The following ANO10 variants were observed in gnomAD, a reference collection of about 807,000 sequenced individuals.
ANO10 encodes anoctamin 10.
A neutral mutation model predicts 74.7 loss-of-function variants in ANO10; 77 were observed. That is an observed-to-expected ratio of 1.03 (90% CI 0.86 to 1.25). The LOEUF is 1.25. Ranked by LOEUF, ANO10 falls within the 50% of genes most tolerant of loss-of-function variation. ANO10 has a pLI of 0.00. For synonymous variants in ANO10, 279 were observed against 284.9 expected (o/e 0.98, Z 0.21); for missense variants, 721 against 778.1 (o/e 0.93, Z 0.87).
intron 11 of ANO10, among the ~76,000 whole-genome samples, chr3:43,442,653 C>T (rs1026908311): frequency 6.6e-6 from 1 of 152,152 alleles, no homozygotes; most frequent in African/African-American, 2.4e-5. Context: ...CAGTTTCTAA[C>T]ACAAAAGATT....
intron 11 of ANO10, among the ~76,000 whole-genome samples, chr3:43,522,225 G>A (rs771663266): frequency 2.6e-5 from 4 of 152,016 alleles, no homozygotes; most frequent in Non-Finnish European, 4.4e-5. Context: ...TGATAGTGGT[G>A]ATGACTGCAC....
intron 4 of ANO10, among the ~76,000 whole-genome samples, chr3:43,580,822 C>A: frequency 6.6e-6 from 1 of 151,854 alleles, no homozygotes; most frequent in East Asian, 1.9e-4. Context: ...ATTTTAAGAA[C>A]AAAAATAAAA....
chr3:43,671,196 C>CA (rs932340860), intron 1 of ANO10, among the ~76,000 whole-genome samples: 12 of 152,014 alleles, frequency 7.9e-5, no homozygotes, highest in African/African-American at 2.9e-4. Flanking sequence ...ACTTGGTCAA[C>CA]AAAAAAAGTT....
chr3:43,465,171 G>C (rs965248798), intron 11 of ANO10, among the ~76,000 whole-genome samples: 2 of 152,068 alleles, frequency 1.3e-5, no homozygotes, highest in East Asian at 3.9e-4. Context: ...CAGGATAAAA[G>C]GTCAACATAA....
At chr3:43,614,687 A>G (rs1304337307) in intron 1 of ANO10, among the ~76,000 whole-genome samples, 1 of 150,382 alleles carries the variant, frequency 6.6e-6, no homozygotes, top group Non-Finnish European at 1.5e-5. Context: ...AGGCAGCAAG[A>G]AAAATAATAT....
chr3:43,549,597 G>C, intron 11 of ANO10, 123 bp downstream of exon 11: 1 of 1,086,332 alleles, frequency 9.2e-7, no homozygotes, highest in Non-Finnish European at 1.4e-6. Flanking sequence ...AACTGTTTTT[G>C]CTTTCTTACC....
At chr3:43,453,179 C>CTTT (rs36070589) in intron 11 of ANO10, among the ~76,000 whole-genome samples, 2 of 130,494 alleles carry the variant, frequency 1.5e-5, no homozygotes, top group African/African-American at 5.3e-5. Context: ...TCTTTTCCCC[C>CTTT]TTTTTTTTTT....
At chr3:43,586,334 C>G (rs1268352399) in intron 4 of ANO10, among the ~76,000 whole-genome samples, 2 of 152,010 alleles carry the variant, frequency 1.3e-5, no homozygotes, top group Admixed American at 1.3e-4. Context: ...GCCTAAATGC[C>G]AAACACAAAA....
chr3:43,566,578 T>G (rs1376809452), intron 7 of ANO10, among the ~76,000 whole-genome samples: 1 of 152,184 alleles, frequency 6.6e-6, no homozygotes, highest in South Asian at 2.1e-4. Context: ...AGGGGTACAC[T>G]GACACCTCAC....
intron 11 of ANO10, among the ~76,000 whole-genome samples, chr3:43,475,168 G>C (rs189988816): frequency 2.0e-5 from 3 of 152,162 alleles, no homozygotes; most frequent in African/African-American, 7.2e-5. Flanking sequence ...CTTACATACA[G>C]TTTTATGTTT....
intron 11 of ANO10, among the ~76,000 whole-genome samples, chr3:43,483,483 C>T (rs1306948389): frequency 6.6e-6 from 1 of 152,174 alleles, no homozygotes; most frequent in Non-Finnish European, 1.5e-5. Flanking sequence ...TGGTTCCTAA[C>T]CATGCAATAG....
chr3:43,528,857 G>C (rs2078328431), intron 11 of ANO10, among the ~76,000 whole-genome samples: 1 of 152,086 alleles, frequency 6.6e-6, no homozygotes, highest in Non-Finnish European at 1.5e-5. Context: ...CTACTCAGGA[G>C]GCTGAGATGG....
chr3:43,491,274 G>C (rs1158690464), intron 11 of ANO10, among the ~76,000 whole-genome samples: 1 of 152,178 alleles, frequency 6.6e-6, no homozygotes, highest in African/African-American at 2.4e-5. Flanking sequence ...AGCACTTTGG[G>C]AGGCTGAGGC....
intron 10 of ANO10, among the ~76,000 whole-genome samples, chr3:43,552,133 A>T (rs2079492442): frequency 6.6e-6 from 1 of 152,194 alleles, no homozygotes; most frequent in African/African-American, 2.4e-5. Context: ...ATATATCCGT[A>T]ACTTATCACA....
At chr3:43,479,576 G>A (rs1185267831) in intron 11 of ANO10, among the ~76,000 whole-genome samples, 2 of 152,190 alleles carry the variant, frequency 1.3e-5, no homozygotes, top group African/African-American at 4.8e-5. Flanking sequence ...AAGGAAAGTT[G>A]AAGGCTGCAG....
At chr3:43,534,970 A>AT (rs1231149994) in intron 11 of ANO10, among the ~76,000 whole-genome samples, 3 of 150,052 alleles carry the variant, frequency 2.0e-5, no homozygotes, top group Non-Finnish European at 3.0e-5. Flanking sequence ...CTATATGTAG[A>AT]TTTTTTTCTT....
chr3:43,559,175 C>T (rs2054552), intron 9 of ANO10, among the ~76,000 whole-genome samples: 118,241 of 152,076 alleles, frequency 0.78, 46,500 homozygotes, highest in East Asian at 0.89. Context: ...GTCAGATACC[C>T]TGAAATGTCA....
At chr3:43,476,321 A>AC (rs1415524830) in intron 11 of ANO10, among the ~76,000 whole-genome samples, 2 of 152,176 alleles carry the variant, frequency 1.3e-5, no homozygotes, top group African/African-American at 4.8e-5. Flanking sequence ...ATATCCATGT[A>AC]CCCATTCTGT....
At chr3:43,452,201 C>T (rs1337464368) in intron 11 of ANO10, among the ~76,000 whole-genome samples, 1 of 152,140 alleles carries the variant, frequency 6.6e-6, no homozygotes, top group Non-Finnish European at 1.5e-5. Flanking sequence ...GATTCACATA[C>T]CATAGAATTC....
Sources: allele counts gnomAD v4.1 joint callset (sites outside exome capture counted in the v4.1 genomes callset), GRCh38; gene constraint gnomAD v4.1.1; transcripts MANE v1.5; gene names NCBI Gene and HGNC (gene_info 2026-07-23, HGNC 2026-07-21).